The following NRG1 variants were observed in gnomAD, a reference collection of about 807,000 sequenced individuals.
NRG1 encodes the protein neuregulin 1.
Under a neutral mutation model 63.8 loss-of-function variants are expected in NRG1, and 18 were observed. The observed-to-expected ratio is 0.28, with a 90% CI of 0.19 to 0.42. The LOEUF is 0.42. NRG1 is among the 10% of genes least tolerant of loss of function. NRG1 has a pLI of 1.00. For synonymous variants in NRG1, 302 were observed against 301.3 expected (o/e 1.00, Z -0.02); for missense variants, 762 against 814.7 (o/e 0.94, Z 0.79).
At chr8:32,195,098 C>A (rs1433599249) in intron 1 of NRG1, among the ~76,000 whole-genome samples, 1 of 151,982 alleles carries the variant, frequency 6.6e-6, no homozygotes, top group Non-Finnish European at 1.5e-5. Flanking sequence ...GGAGGTTACT[C>A]CTTTGGGTAA....
intron 1 of NRG1, among the ~76,000 whole-genome samples, chr8:31,992,312 T>C (rs1347007124): frequency 6.6e-6 from 1 of 152,036 alleles, no homozygotes; most frequent in Non-Finnish European, 1.5e-5. Flanking sequence ...AATTTGTTGA[T>C]TAAGTAGTGT....
chr8:32,530,781 G>A (rs1034691015), intron 1 of NRG1, among the ~76,000 whole-genome samples: 3 of 151,992 alleles, frequency 2.0e-5, no homozygotes, highest in East Asian at 1.9e-4. Context: ...TTGGGTATTC[G>A]GGGCTTAAAA....
At chr8:31,798,366 G>A (rs1821439018) in intron 1 of NRG1, among the ~76,000 whole-genome samples, 1 of 152,024 alleles carries the variant, frequency 6.6e-6, no homozygotes, top group Non-Finnish European at 1.5e-5. Flanking sequence ...AAAATAAGAG[G>A]GAAAAGTTTC....
At chr8:32,442,237 C>T (rs1392367936) in intron 1 of NRG1, among the ~76,000 whole-genome samples, 2 of 152,132 alleles carry the variant, frequency 1.3e-5, no homozygotes, top group Non-Finnish European at 2.9e-5. Context: ...TTTTCTCCAC[C>T]TAAACACTGA....
intron 1 of NRG1, among the ~76,000 whole-genome samples, chr8:32,282,156 T>G (rs1335231562): frequency 1.3e-5 from 2 of 152,190 alleles, no homozygotes; most frequent in African/African-American, 4.8e-5. Context: ...TTTGCACAGC[T>G]GGACACAGGG....
At chr8:32,359,943 G>A (rs1427103746) in intron 1 of NRG1, among the ~76,000 whole-genome samples, 1 of 152,132 alleles carries the variant, frequency 6.6e-6, no homozygotes, top group African/African-American at 2.4e-5. Flanking sequence ...AGTGTTGATG[G>A]GACAAGTTTT....
rs115065997 is a variant in NRG1 at position 32,124,321 on chromosome 8, C to A, written c.38-471507C>A. ...CAATTAATTGCTACTTCTTGGTGAG[C>A]ATCCAGTATACTTGATTCTCTCATA... On this transcript the variant is annotated intron_variant, in intron 1 of 10. Coordinates refer to the NRG1 transcript ENST00000519301. 1.0e-2 allele frequency among the ~76,000 whole-genome samples: 1,514 copies of A among 151,920 alleles called. 23 individuals carry two copies. Among genetic ancestry groups the A allele is most frequent in the African/African-American group, 0.033 (1,358 of 41,468 alleles).
intron 1 of NRG1, among the ~76,000 whole-genome samples, chr8:32,253,431 T>G (rs1849343284): frequency 6.6e-6 from 1 of 152,222 alleles, no homozygotes; most frequent in Non-Finnish European, 1.5e-5. Flanking sequence ...AGGCCTTTTC[T>G]GCATCTATTG....
chr8:32,662,578 C>T lies in NRG1; in HGVS notation c.502+45693C>T, dbSNP rs572999400. 3.3e-5 allele frequency among the ~76,000 whole-genome samples: 5 copies of T among 152,172 alleles called. No homozygotes were observed. In the South Asian group the frequency reaches 6.2e-4, roughly 19 times the overall value. ...CTTGTGGAGAAGGATCCCAAGATCCCGGTGGAAATAGTCGGACCACTGAGG... is the reference window on the plus strand; with the variant it reads ...CTTGTGGAGAAGGATCCCAAGATCCTGGTGGAAATAGTCGGACCACTGAGG... On this transcript the variant is annotated intron_variant, in intron 5 of 11. Transcript: ENST00000356819.
intron 1 of NRG1, among the ~76,000 whole-genome samples, chr8:32,189,410 A>G (rs959082536): frequency 9.2e-5 from 14 of 152,186 alleles, no homozygotes; most frequent in African/African-American, 3.4e-4. Flanking sequence ...TTATGGAGCA[A>G]TAGAAAACTA....
At position 31,935,068 on chromosome 8, in the gene NRG1, G is replaced by A. The variant is rs533843794; in HGVS notation, c.37+295637G>A. On this transcript the variant is annotated intron_variant, in intron 1 of 10. Transcript: ENST00000519301. The stretch of plus-strand genomic sequence containing the variant: ...TGGGCTCAAGCAATCCTCCTGCCTC[G>A]GCCTCCTGAGTAGCCAGTACCACAG... Among the ~76,000 whole-genome samples the A allele has an allele frequency of 1.5e-4, 23 of 150,930 alleles. No homozygotes were observed. In the East Asian group the frequency reaches 3.9e-3, roughly 26 times the overall value.
chr8:31,761,566 G>A (rs1586214871), intron 1 of NRG1, among the ~76,000 whole-genome samples: 1 of 152,086 alleles, frequency 6.6e-6, no homozygotes, highest in East Asian at 1.9e-4. Flanking sequence ...TTTCACTATT[G>A]TTTTGTCTCA....
At chr8:32,601,138 A>C (rs2129538450) in intron 2 of NRG1, among the ~76,000 whole-genome samples, 1 of 152,250 alleles carries the variant, frequency 6.6e-6, no homozygotes, top group Non-Finnish European at 1.5e-5. Flanking sequence ...ATTCAGAGGG[A>C]TGTTTATGCT....
At chr8:31,768,688 A>G (rs1444695442) in intron 1 of NRG1, among the ~76,000 whole-genome samples, 2 of 152,234 alleles carry the variant, frequency 1.3e-5, no homozygotes, top group Non-Finnish European at 2.9e-5. Context: ...ATTCTTCAAG[A>G]TACTGAATTT....
At chr8:32,332,930 G>A (rs1388908339) in intron 1 of NRG1, among the ~76,000 whole-genome samples, 1 of 152,156 alleles carries the variant, frequency 6.6e-6, no homozygotes, top group Non-Finnish European at 1.5e-5. Context: ...AAAGCATTCT[G>A]AAGAAAGGAA....
At chr8:31,646,640 A>AT (rs532539287) in intron 1 of NRG1, among the ~76,000 whole-genome samples, 195 of 152,282 alleles carry the variant, frequency 1.3e-3, no homozygotes, top group African/African-American at 4.5e-3. Context: ...GAGTTGGTAA[A>AT]TTTTTTTGGC....
At chr8:31,988,858 C>T (rs1177627671) in intron 1 of NRG1, among the ~76,000 whole-genome samples, 1 of 152,004 alleles carries the variant, frequency 6.6e-6, no homozygotes, top group East Asian at 1.9e-4. Flanking sequence ...AGTTCATGTA[C>T]CATTCCAGCA....
chr8:32,414,101 A>G (rs890959367), intron 1 of NRG1, among the ~76,000 whole-genome samples: 4 of 152,046 alleles, frequency 2.6e-5, no homozygotes, highest in Non-Finnish European at 5.9e-5. Flanking sequence ...GCATGTTCTA[A>G]TCTTGTTGAT....
chr8:32,731,994 TAGA>T (rs1340156124), intron 6 of NRG1, among the ~76,000 whole-genome samples: 18 of 152,234 alleles, frequency 1.2e-4, no homozygotes, highest in African/African-American at 3.9e-4. Context: ...GGAGTTGAAG[TAGA>T]AGATGTTACA....
Sources: allele counts gnomAD v4.1 joint callset (sites outside exome capture counted in the v4.1 genomes callset), GRCh38; gene constraint gnomAD v4.1.1; transcripts MANE v1.5; gene names NCBI Gene and HGNC (gene_info 2026-07-23, HGNC 2026-07-21).